Variants in RNF180 observed in about 807,000 individuals in gnomAD.
RNF180 encodes ring finger protein 180.
A neutral mutation model predicts 59.2 loss-of-function variants in RNF180; 38 were observed. The observed-to-expected ratio is 0.64, with a 90% CI of 0.50 to 0.84. The LOEUF (loss-of-function observed/expected upper bound fraction) is 0.84. Ranked by LOEUF, RNF180 falls within the 40% of genes least tolerant of loss-of-function variation. RNF180 has a pLI of 0.00. For missense variants in RNF180, 705 were observed against 700.9 expected (o/e 1.01, Z -0.07); for synonymous variants, 262 against 240.3 (o/e 1.09, Z -0.84).
At chr5:64,249,745 G>T (rs1743439869) in intron 5 of RNF180, among the ~76,000 whole-genome samples, 1 of 152,096 alleles carries the variant, frequency 6.6e-6, no homozygotes, top group African/African-American at 2.4e-5. Context: ...ATTATGTAAT[G>T]GCAAAGGGGT....
chr5:64,346,076 G>T (rs1253457158), intron 7 of RNF180, among the ~76,000 whole-genome samples: 1 of 151,724 alleles, frequency 6.6e-6, no homozygotes, highest in South Asian at 2.1e-4. Flanking sequence ...CTAATAAAGA[G>T]GTAAAGAACT....
At chr5:64,250,747 A>G (rs916878987) in intron 5 of RNF180, among the ~76,000 whole-genome samples, 23 of 152,184 alleles carry the variant, frequency 1.5e-4, no homozygotes, top group African/African-American at 5.5e-4. Context: ...CTAGGACCTG[A>G]TGGCTTCACT....
At chr5:64,245,123 C>T (rs186846050) in intron 5 of RNF180, among the ~76,000 whole-genome samples, 22 of 152,228 alleles carry the variant, frequency 1.4e-4, no homozygotes, top group South Asian at 2.1e-4. Context: ...TGGTACCAGC[C>T]GCTGCAAAAA....
intron 5 of RNF180, among the ~76,000 whole-genome samples, chr5:64,237,640 G>A (rs1043921176): frequency 6.6e-6 from 1 of 152,064 alleles, no homozygotes; most frequent in Non-Finnish European, 1.5e-5. Flanking sequence ...AGAATGATAT[G>A]GTTTGGCCGT....
intron 5 of RNF180, among the ~76,000 whole-genome samples, chr5:64,278,517 A>G (rs1292260303): frequency 1.3e-5 from 2 of 152,214 alleles, no homozygotes; most frequent in African/African-American, 4.8e-5. Context: ...TAACAGTGGC[A>G]AAAGATAAAG....
chr5:64,176,605 A>G (rs539370059), intron 1 of RNF180, among the ~76,000 whole-genome samples: 1 of 151,834 alleles, frequency 6.6e-6, no homozygotes, highest in East Asian at 1.9e-4. Context: ...GGAAATTGAA[A>G]CTCCTGAGTT....
At chr5:64,182,431 T>C (rs1013221832) in intron 1 of RNF180, among the ~76,000 whole-genome samples, 2 of 152,254 alleles carry the variant, frequency 1.3e-5, no homozygotes, top group East Asian at 1.9e-4. Flanking sequence ...AACTTCAGAA[T>C]GTAGGAAACA....
intron 7 of RNF180, among the ~76,000 whole-genome samples, chr5:64,337,154 C>A (rs1284460309): frequency 1.3e-5 from 2 of 151,984 alleles, no homozygotes; most frequent in African/African-American, 2.4e-5. Context: ...GCTGGGACTA[C>A]AGGAGCACAC....
In RNF180 at chr5:64,200,951, T is replaced by C; in HGVS notation, c.135+9T>C. ...AGAATCAAGTGATTAAGGTGAGTATTGGTAACTCCAGTCTTCAGTTTCCTG... is the reference window on the plus strand; with the variant it reads ...AGAATCAAGTGATTAAGGTGAGTATCGGTAACTCCAGTCTTCAGTTTCCTG... On this transcript the variant is annotated intron_variant, in intron 2 of 7. Transcript: ENST00000389100. The C allele has an allele frequency of 6.2e-7, 1 of 1,611,626 alleles. No individual in the cohort carries two copies. Among genetic ancestry groups the C allele is most frequent in the Non-Finnish European group, 8.5e-7 (1 of 1,178,180 alleles).
chr5:64,213,323 T>G lies in RNF180; in HGVS notation c.232-235T>G, dbSNP rs148337936. 3.1e-3 allele frequency among the ~76,000 whole-genome samples: 479 copies of G among 152,286 alleles called. 3 individuals are homozygous for G. Among genetic ancestry groups the G allele is most frequent in the African/African-American group, 0.011 (465 of 41,568 alleles). On this transcript the variant is annotated intron_variant, in intron 3 of 7. Transcript: ENST00000389100. The stretch of plus-strand genomic sequence containing the variant: ...TCTCATTTAGAATTCTTAGGAATAT[T>G]GTTTGGATGGGCATGATTTGCAATA...
At chr5:64,309,594 GTGTT>G (rs984657659) in intron 5 of RNF180, among the ~76,000 whole-genome samples, 2 of 151,312 alleles carry the variant, frequency 1.3e-5, no homozygotes, top group African/African-American at 4.8e-5. Context: ...ATATTGTGGT[GTGTT>G]TGTTTTAATT....
intron 1 of RNF180, among the ~76,000 whole-genome samples, chr5:64,192,324 A>G (rs544563165): frequency 6.6e-6 from 1 of 152,216 alleles, no homozygotes; most frequent in East Asian, 1.9e-4. Context: ...GCCAGGATGT[A>G]GAGAAATTTT....
At chr5:64,186,143 T>C (rs1008344258) in intron 1 of RNF180, among the ~76,000 whole-genome samples, 6 of 152,176 alleles carry the variant, frequency 3.9e-5, no homozygotes, top group Non-Finnish European at 5.9e-5. Context: ...AAAATGTCTC[T>C]GTATGTGACA....
At chr5:64,361,248 G>A (rs760479159) in intron 7 of RNF180, among the ~76,000 whole-genome samples, 1 of 151,220 alleles carries the variant, frequency 6.6e-6, no homozygotes, top group East Asian at 2.0e-4. Flanking sequence ...ATAGTAACAA[G>A]TTGAGTTCCT....
intron 7 of RNF180, among the ~76,000 whole-genome samples, chr5:64,337,522 A>G (rs1745182052): frequency 6.6e-6 from 1 of 151,784 alleles, no homozygotes; most frequent in Non-Finnish European, 1.5e-5. Context: ...ATTTTTTATT[A>G]TACTTTAAGT....
chr5:64,167,904 A>C (rs567092411), intron 1 of RNF180, among the ~76,000 whole-genome samples: 6 of 152,192 alleles, frequency 3.9e-5, no homozygotes, highest in Non-Finnish European at 4.4e-5. Context: ...GAATTAATGA[A>C]GTAATATCTC....
intron 5 of RNF180, among the ~76,000 whole-genome samples, chr5:64,264,226 T>TTTATTTC (rs758069605): frequency 6.6e-6 from 1 of 152,200 alleles, no homozygotes; most frequent in Non-Finnish European, 1.5e-5. Flanking sequence ...ACATCTTTTT[T>TTTATTTC]TTATTTCTTT....
intron 5 of RNF180, among the ~76,000 whole-genome samples, chr5:64,252,420 G>A (rs1743641928): frequency 6.6e-6 from 1 of 152,158 alleles, no homozygotes; most frequent in Non-Finnish European, 1.5e-5. Context: ...AATGTCAGGA[G>A]AGTGGACGTA....
At chr5:64,288,147 A>G (rs897999531) in intron 5 of RNF180, among the ~76,000 whole-genome samples, 2 of 152,188 alleles carry the variant, frequency 1.3e-5, no homozygotes, top group African/African-American at 2.4e-5. Flanking sequence ...GGCACCATTT[A>G]TTAAGTAGGG....
Sources: gnomAD v4.1 joint callset for allele counts (sites outside exome capture counted in the v4.1 genomes callset) on GRCh38, gnomAD v4.1.1 for gene constraint, MANE v1.5 for transcripts, NCBI Gene and HGNC (gene_info 2026-07-23, HGNC 2026-07-21) for gene names.